The following PDE4D variants were observed in gnomAD, a reference collection of about 807,000 sequenced individuals.
The protein encoded by PDE4D is 3',5'-cyclic-AMP phosphodiesterase 4D.
PDE4D carries 24 observed loss-of-function variants against 87.4 expected under a neutral mutation model. The ratio of observed to expected loss-of-function variants is 0.27; its 90% CI spans 0.20 to 0.39. The LOEUF is 0.39. Among genes scored for constraint, PDE4D ranks in the 10% least tolerant of loss-of-function variants. PDE4D has a pLI of 1.00. For synonymous variants in PDE4D, 384 were observed against 383.2 expected (o/e 1.00, Z -0.02); for missense variants, 714 against 1,041.0 (o/e 0.69, Z 4.32).
chr5:59,551,840 C>T (rs1033310450), intron 1 of PDE4D, among the ~76,000 whole-genome samples: 1 of 151,838 alleles, frequency 6.6e-6, no homozygotes, highest in East Asian at 1.9e-4. Context: ...ACAACAATAC[C>T]AAAAAAACCC....
chr5:59,831,070 G>GA (rs1741126805), intron 1 of PDE4D, among the ~76,000 whole-genome samples: 1 of 151,722 alleles, frequency 6.6e-6, no homozygotes, highest in South Asian at 2.1e-4. Context: ...TAAAGAAGGA[G>GA]AAAAAATAGT....
chr5:59,444,224 T>C (rs1370985251), intron 1 of PDE4D, among the ~76,000 whole-genome samples: 1 of 152,190 alleles, frequency 6.6e-6, no homozygotes, highest in African/African-American at 2.4e-5. Context: ...TTTCTAAAGA[T>C]ATCACATGCA....
intron 1 of PDE4D, among the ~76,000 whole-genome samples, chr5:59,321,739 G>A (rs1410947271): frequency 6.6e-6 from 1 of 152,136 alleles, no homozygotes; most frequent in African/African-American, 2.4e-5. Context: ...AGAATGAAAG[G>A]AGAGCAAGTG....
chr5:59,726,910 T>C lies in PDE4D; in HGVS notation c.455+166258A>G, dbSNP rs189977913. 1.1e-4 allele frequency among the ~76,000 whole-genome samples: 17 copies of C among 152,194 alleles called. No homozygotes were observed. In the East Asian group the frequency reaches 3.3e-3, roughly 29 times the overall value. Reference sequence around the variant, plus strand: ...CCATCTAGTTTAACTCATTGATCATTTAATTCAACAGAGTTGAGCGCCTGC... The same window carrying C: ...CCATCTAGTTTAACTCATTGATCATCTAATTCAACAGAGTTGAGCGCCTGC... On this transcript the variant is annotated intron_variant, in intron 1 of 14. Transcript: ENST00000340635.
chr5:59,185,121 C>T, intron 4 of PDE4D, 68 bp downstream of exon 4: 1 of 1,229,034 alleles, frequency 8.1e-7, no homozygotes, highest in Non-Finnish European at 1.2e-6. Context: ...TTGCCTTGGG[C>T]TCAATCAAGT....
chr5:59,357,025 G>T (rs769632681), intron 1 of PDE4D: 114 of 635,228 alleles, frequency 1.8e-4, no homozygotes, highest in Non-Finnish European at 2.6e-4. Context: ...GGGCTGGAAG[G>T]GATGGCCAGG....
intron 1 of PDE4D, among the ~76,000 whole-genome samples, chr5:60,315,847 T>G (rs966550464): frequency 6.6e-6 from 1 of 152,038 alleles, no homozygotes; most frequent in Non-Finnish European, 1.5e-5. Context: ...TTGGTCTATA[T>G]CTCTGTTTTG....
At chr5:60,410,414 G>A (rs571273545) in intron 1 of PDE4D, among the ~76,000 whole-genome samples, 8 of 152,210 alleles carry the variant, frequency 5.3e-5, no homozygotes, top group African/African-American at 1.9e-4. Flanking sequence ...CTGAAAGTCT[G>A]AGCACCTTTT....
At chr5:59,263,205 A>G (rs1762312963) in intron 1 of PDE4D, among the ~76,000 whole-genome samples, 1 of 152,002 alleles carries the variant, frequency 6.6e-6, no homozygotes, top group South Asian at 2.1e-4. Flanking sequence ...CTTTCCATGC[A>G]AAGGACAGAT....
chr5:59,394,893 G>C (rs1789037185), intron 1 of PDE4D, among the ~76,000 whole-genome samples: 1 of 152,158 alleles, frequency 6.6e-6, no homozygotes. Context: ...ACAAGCCGAA[G>C]CAGGGCGAGG....
At position 59,614,976 on chromosome 5, in the gene PDE4D, C is replaced by T. The variant is rs118038909; in HGVS notation, c.455+278192G>A. ...TCCTGAGTAGCTGAGACTACAGGCACGCACTACCACACCCAGCTAATTTTT... is the reference window on the plus strand; with the variant it reads ...TCCTGAGTAGCTGAGACTACAGGCATGCACTACCACACCCAGCTAATTTTT... On this transcript the variant is annotated intron_variant, in intron 1 of 14. Transcript: ENST00000340635. Among the ~76,000 whole-genome samples the T allele has an allele frequency of 5.8e-3, 885 of 152,028 alleles. 9 individuals carry two copies. The highest frequency in any genetic ancestry group is 0.041 in the East Asian group (212 of 5,138).
intron 2 of PDE4D, among the ~76,000 whole-genome samples, chr5:60,155,337 T>C (rs1044383310): frequency 6.6e-6 from 1 of 152,208 alleles, no homozygotes; most frequent in African/African-American, 2.4e-5. Context: ...TCCTCAATGA[T>C]TAGATTGAGC....
intron 3 of PDE4D, among the ~76,000 whole-genome samples, chr5:59,910,627 C>T (rs1753339246): frequency 6.6e-6 from 1 of 152,142 alleles, no homozygotes; most frequent in Admixed American, 6.5e-5. Context: ...CTGTTTTATA[C>T]CCAGTTGCAC....
At chr5:59,039,792 G>GAGGCGC (rs1759333622) in intron 5 of PDE4D, 1 of 152,798 alleles carries the variant, frequency 6.5e-6, no homozygotes, top group African/African-American at 2.4e-5. Flanking sequence ...TGCAGACGAG[G>GAGGCGC]AGGCGCGGGC....
intron 2 of PDE4D, among the ~76,000 whole-genome samples, chr5:60,038,499 C>T (rs1414950318): frequency 2.0e-5 from 3 of 151,998 alleles, no homozygotes. Flanking sequence ...TGTTTTGGTA[C>T]CAGTACCATG....
intron 1 of PDE4D, among the ~76,000 whole-genome samples, chr5:60,229,483 A>G (rs1745550287): frequency 6.6e-6 from 1 of 152,174 alleles, no homozygotes; most frequent in South Asian, 2.1e-4. Flanking sequence ...ACGCTAAAGA[A>G]TAAAAGAAAA....
At chr5:59,127,633 C>T in intron 5 of PDE4D, among the ~76,000 whole-genome samples, 1 of 145,690 alleles carries the variant, frequency 6.9e-6, no homozygotes, top group South Asian at 2.3e-4. Context: ...TCACCCCCCA[C>T]ACTCCAGCAC....
chr5:60,472,400 C>A (rs1747881566), intron 1 of PDE4D, among the ~76,000 whole-genome samples: 1 of 152,126 alleles, frequency 6.6e-6, no homozygotes, highest in Non-Finnish European at 1.5e-5. Context: ...CCATAAGCTG[C>A]CTCCAATCAT....
intron 1 of PDE4D, among the ~76,000 whole-genome samples, chr5:59,432,560 T>G (rs1253074939): frequency 6.6e-6 from 1 of 152,136 alleles, no homozygotes; most frequent in Non-Finnish European, 1.5e-5. Flanking sequence ...TGTTGGAAGA[T>G]GTCAACTCCT....
Sources: gnomAD v4.1 joint callset for allele counts (sites outside exome capture counted in the v4.1 genomes callset) on GRCh38, gnomAD v4.1.1 for gene constraint, MANE v1.5 for transcripts, NCBI Gene and HGNC (gene_info 2026-07-23, HGNC 2026-07-21) for gene names.